FOXN3: variants seen among roughly 807,000 people sequenced by gnomAD.
FOXN3 encodes forkhead box protein N3.
A neutral mutation model predicts 38.4 loss-of-function variants in FOXN3; 7 were observed. The observed-to-expected ratio is 0.18, with a 90% CI of 0.10 to 0.34. FOXN3 has a LOEUF of 0.34. FOXN3 is among the 10% of genes least tolerant of loss of function. The pLI is 1.00. For synonymous variants in FOXN3, 230 were observed against 242.2 expected, an observed-to-expected ratio of 0.95 and a Z score of 0.47; for missense variants, 456 against 613.4, an observed-to-expected ratio of 0.74 and a Z score of 2.71.
intron 1 of FOXN3, among the ~76,000 whole-genome samples, chr14:89,440,424 A>AT (rs1892358262): frequency 6.6e-6 from 1 of 152,206 alleles, no homozygotes; most frequent in African/African-American, 2.4e-5. Context: ...GTATAGGCCC[A>AT]GATGGCCTGA....
chr14:89,477,196 C>A (rs77198226), intron 1 of FOXN3, among the ~76,000 whole-genome samples: 1 of 152,108 alleles, frequency 6.6e-6, no homozygotes, highest in Non-Finnish European at 1.5e-5. Flanking sequence ...TTAGACTAAG[C>A]CCAAGCACGG....
At chr14:89,600,862 T>C (rs1441840261) in intron 1 of FOXN3, among the ~76,000 whole-genome samples, 1 of 152,190 alleles carries the variant, frequency 6.6e-6, no homozygotes, top group South Asian at 2.1e-4. Flanking sequence ...GAAAAGAAAG[T>C]GAGTACAATT....
chr14:89,350,574 T>A, intron 3 of FOXN3, 98 bp downstream of exon 3: 2 of 1,082,800 alleles, frequency 1.8e-6, no homozygotes, highest in Non-Finnish European at 2.5e-6. Context: ...CAGTTATTTT[T>A]AAAATCTCGT....
intron 1 of FOXN3, among the ~76,000 whole-genome samples, chr14:89,483,274 T>C (rs190421702): frequency 1.3e-5 from 2 of 152,196 alleles, no homozygotes; most frequent in East Asian, 3.9e-4. Context: ...CAGGAAGCCA[T>C]GTTTTGAGAT....
intron 1 of FOXN3, among the ~76,000 whole-genome samples, chr14:89,480,403 CAA>C (rs11306346): frequency 6.9e-5 from 10 of 144,844 alleles, no homozygotes; most frequent in Admixed American, 2.7e-4. Context: ...AACTCTATCT[CAA>C]AAAAAAAAAA....
At chr14:89,510,691 C>T (rs1431347523) in intron 1 of FOXN3, among the ~76,000 whole-genome samples, 1 of 152,134 alleles carries the variant, frequency 6.6e-6, no homozygotes, top group South Asian at 2.1e-4. Flanking sequence ...ACCGTAATCC[C>T]GGCACTTTGG....
rs140410143 is a variant in FOXN3, at chr14:89,551,066, G to A, written c.-15+67962C>T. 1.6e-3 allele frequency among the ~76,000 whole-genome samples: 238 copies of A among 152,340 alleles called. 1 individual carries two copies. Among genetic ancestry groups the A allele is most frequent in the African/African-American group, 5.1e-3 (210 of 41,574 alleles). ...GCCCTTAAACATCTTATCAGCCTTT[G>A]AAGTTACGCACAATGACATCCTTTG... On this transcript the variant is annotated intron_variant, in intron 1 of 6. Coordinates refer to the FOXN3 transcript ENST00000345097.
At chr14:89,288,720 CTCTCTATATATATATATATATATATATA>C (rs1886753588) in intron 3 of FOXN3, among the ~76,000 whole-genome samples, 63 of 37,366 alleles carry the variant, frequency 1.7e-3, no homozygotes, top group Admixed American at 2.9e-3. Context: ...CTCTCTCTCT[CTCTCTATATATATATATATATATATATA>C]TATATATATA....
At chr14:89,191,377 G>T (rs961423783) in intron 4 of FOXN3, among the ~76,000 whole-genome samples, 2 of 152,154 alleles carry the variant, frequency 1.3e-5, no homozygotes, top group African/African-American at 2.4e-5. Flanking sequence ...CGGTGATGCC[G>T]CGTGACAGAA....
chr14:89,192,387 A>T (rs1263936629), intron 4 of FOXN3, among the ~76,000 whole-genome samples: 1 of 144,978 alleles, frequency 6.9e-6, no homozygotes, highest in African/African-American at 2.5e-5. Context: ...ATATAAGTTA[A>T]TATACAAACT....
intron 1 of FOXN3, among the ~76,000 whole-genome samples, chr14:89,601,434 G>A (rs1021653015): frequency 6.6e-6 from 1 of 152,312 alleles, no homozygotes; most frequent in East Asian, 1.9e-4. Context: ...AGGACTCAAT[G>A]AAAGGAAAAC....
intron 5 of FOXN3, among the ~76,000 whole-genome samples, chr14:89,166,286 T>C (rs1379456706): frequency 6.6e-6 from 1 of 151,974 alleles, no homozygotes; most frequent in Admixed American, 6.6e-5. Context: ...AAGAGGGGGA[T>C]CCAAATGGAA....
intron 4 of FOXN3, among the ~76,000 whole-genome samples, chr14:89,214,345 C>T (rs189229110): frequency 1.4e-3 from 213 of 152,326 alleles, no homozygotes; most frequent in African/African-American, 5.1e-3. Flanking sequence ...CCTCCTGCAC[C>T]GTGCGGATGA....
intron 2 of FOXN3, among the ~76,000 whole-genome samples, chr14:89,374,386 A>G (rs1443959958): frequency 6.6e-6 from 1 of 152,112 alleles, no homozygotes; most frequent in Non-Finnish European, 1.5e-5. Flanking sequence ...ATAAAGTTAT[A>G]CACATACTTG....
At chr14:89,417,365 C>A (rs904808029), upstream of FOXN3, 1 of 147,568 alleles carries the variant, frequency 6.8e-6, no homozygotes, top group South Asian at 2.1e-4. Flanking sequence ...GGGCACTGAC[C>A]CGCCGGGGCG....
intron 2 of FOXN3, among the ~76,000 whole-genome samples, chr14:89,375,758 G>A (rs540004021): frequency 2.6e-5 from 4 of 151,820 alleles, no homozygotes; most frequent in South Asian, 2.1e-4. Context: ...GTCCAGTTTC[G>A]GTTTATCTTA....
At chr14:89,335,596 G>A (rs1191583415) in intron 3 of FOXN3, among the ~76,000 whole-genome samples, 1 of 152,190 alleles carries the variant, frequency 6.6e-6, no homozygotes, top group African/African-American at 2.4e-5. Flanking sequence ...AATCTTCACT[G>A]CTTGTTCCTT....
chr14:89,311,519 A>G (rs1887547548), intron 3 of FOXN3, among the ~76,000 whole-genome samples: 2 of 144,378 alleles, frequency 1.4e-5, no homozygotes, highest in African/African-American at 5.1e-5. Flanking sequence ...AAAGGATGGG[A>G]TACTAGCATA....
At chr14:89,226,543 C>A (rs1884646718) in intron 4 of FOXN3, among the ~76,000 whole-genome samples, 1 of 152,142 alleles carries the variant, frequency 6.6e-6, no homozygotes, top group Admixed American at 6.5e-5. Flanking sequence ...CATGCCTGGC[C>A]AGGGAGACTT....
Sources: allele counts gnomAD v4.1 joint callset (sites outside exome capture counted in the v4.1 genomes callset), GRCh38; gene constraint gnomAD v4.1.1; transcripts MANE v1.5; gene names NCBI Gene and HGNC (gene_info 2026-07-23, HGNC 2026-07-21).